Variants in HTR7 observed in about 807,000 individuals in gnomAD.
HTR7 encodes 5-HT-7.
Under a neutral mutation model 34.0 loss-of-function variants are expected in HTR7, and 16 were observed. That is an observed-to-expected ratio of 0.47 (90% CI 0.32 to 0.71). The LOEUF is 0.71. Among genes scored for constraint, HTR7 ranks in the 30% least tolerant of loss-of-function variants. The pLI is 0.04. For synonymous variants in HTR7, 265 were observed against 260.2 expected (o/e 1.02, Z -0.18); for missense variants, 504 against 625.5 (o/e 0.81, Z 2.07).
chr10:90,756,293 G>C (rs147955784), intron 1 of HTR7, among the ~76,000 whole-genome samples: 94 of 152,314 alleles, frequency 6.2e-4, no homozygotes, highest in South Asian at 1.2e-3. Context: ...TGCTCACCTT[G>C]TAGAAAGTAA....
At chr10:90,826,443 A>C (rs1370074542) in intron 1 of HTR7, among the ~76,000 whole-genome samples, 2 of 152,200 alleles carry the variant, frequency 1.3e-5, no homozygotes, top group Non-Finnish European at 2.9e-5. Context: ...AAACAGAAAA[A>C]CACAAAATAT....
At chr10:90,851,298 G>A (rs963393077) in intron 1 of HTR7, among the ~76,000 whole-genome samples, 1 of 152,120 alleles carries the variant, frequency 6.6e-6, no homozygotes, top group Non-Finnish European at 1.5e-5. Context: ...CATACTCAGT[G>A]AAAATATCAT....
chr10:90,771,381 C>T (rs1487710818), intron 1 of HTR7, among the ~76,000 whole-genome samples: 1 of 152,228 alleles, frequency 6.6e-6, no homozygotes, highest in Admixed American at 6.5e-5. Flanking sequence ...ATAACACAAA[C>T]AGGGCTGAAA....
chr10:90,754,653 A>C (rs1232349209), intron 1 of HTR7, among the ~76,000 whole-genome samples: 1 of 152,214 alleles, frequency 6.6e-6, no homozygotes, highest in Non-Finnish European at 1.5e-5. Flanking sequence ...TCAGAGAAAA[A>C]GAGGATTAGG....
chr10:90,780,144 G>A (rs1342068467), intron 1 of HTR7, among the ~76,000 whole-genome samples: 3 of 152,198 alleles, frequency 2.0e-5, no homozygotes, highest in Non-Finnish European at 2.9e-5. Context: ...ACATTGAGAG[G>A]CTGAGGCCAA....
intron 1 of HTR7, among the ~76,000 whole-genome samples, chr10:90,823,455 C>T (rs1335218434): frequency 6.6e-6 from 1 of 152,188 alleles, no homozygotes; most frequent in Non-Finnish European, 1.5e-5. Context: ...GGAGCATTTA[C>T]CCATTGTCTG....
chr10:90,793,318 T>C (rs1408453211), intron 1 of HTR7, among the ~76,000 whole-genome samples: 1 of 151,374 alleles, frequency 6.6e-6, no homozygotes, highest in Non-Finnish European at 1.5e-5. Flanking sequence ...GGTAGAGAGG[T>C]GAAAATCACA....
At chr10:90,748,416 T>C (rs1385245574) in intron 2 of HTR7, among the ~76,000 whole-genome samples, 4 of 152,182 alleles carry the variant, frequency 2.6e-5, no homozygotes, top group Admixed American at 2.6e-4. Context: ...AAAAAGATCA[T>C]TGTGCCTCCT....
At chr10:90,753,759 G>A (rs962818910) in intron 1 of HTR7, among the ~76,000 whole-genome samples, 5 of 151,900 alleles carry the variant, frequency 3.3e-5, no homozygotes, top group Admixed American at 2.0e-4. Context: ...TATATAATAT[G>A]TATAATGCAG....
At chr10:90,847,519 C>T (rs1487600243) in intron 1 of HTR7, among the ~76,000 whole-genome samples, 1 of 152,100 alleles carries the variant, frequency 6.6e-6, no homozygotes, top group Admixed American at 6.5e-5. Flanking sequence ...AGGATAACTT[C>T]CTTTGAAGTG....
At chr10:90,854,766 C>G (rs2120137079) in intron 1 of HTR7, among the ~76,000 whole-genome samples, 1 of 152,250 alleles carries the variant, frequency 6.6e-6, no homozygotes, top group East Asian at 1.9e-4. Flanking sequence ...AAATGCCCAA[C>G]AGATATCCAA....
chr10:90,812,622 A>T (rs2119972469), intron 1 of HTR7, among the ~76,000 whole-genome samples: 1 of 152,110 alleles, frequency 6.6e-6, no homozygotes, highest in African/African-American at 2.4e-5. Context: ...ATCACCCCTT[A>T]CCACAAAATC....
At chr10:90,820,052 A>G (rs1272083625) in intron 1 of HTR7, among the ~76,000 whole-genome samples, 1 of 152,196 alleles carries the variant, frequency 6.6e-6, no homozygotes, top group Non-Finnish European at 1.5e-5. Context: ...ATCTATTTAA[A>G]AAAAGAAAGA....
intron 1 of HTR7, among the ~76,000 whole-genome samples, chr10:90,805,122 A>G (rs1478824222): frequency 6.6e-6 from 1 of 152,174 alleles, no homozygotes; most frequent in Admixed American, 6.5e-5. Flanking sequence ...TGGTGTGTGC[A>G]CTGGCTGGTG....
Position 90,857,248 on chromosome 10 carries a change from CG to C in HTR7, c.423del (p.Asp142ThrfsTer30). ...AAGATCCACTTGCCCCCGATGAGGT[CG>C]GTGACGCTGACGAAGGGCATGACCG... ...AVAVMPFVSV[T>X]DLIGGKWIFG... On this transcript the variant is annotated frameshift_variant, in exon 1 of 4. Transcript: ENST00000336152. LOFTEE classifies it high-confidence loss of function. The surrounding 1 kb of genome is among the most constrained non-coding windows in gnomAD (Gnocchi z 6.5). 6.2e-7 allele frequency: 1 copy of C among 1,614,106 alleles called. No individual in the cohort carries two copies. Among genetic ancestry groups the C allele is most frequent in the Non-Finnish European group, 8.5e-7 (1 of 1,180,018 alleles).
intron 1 of HTR7, among the ~76,000 whole-genome samples, chr10:90,833,808 A>G (rs1846213875): frequency 6.6e-6 from 1 of 152,254 alleles, no homozygotes; most frequent in Non-Finnish European, 1.5e-5. Flanking sequence ...TTTTGAAAAT[A>G]TGAAACTTAC....
At chr10:90,835,183 G>A (rs1480596076) in intron 1 of HTR7, among the ~76,000 whole-genome samples, 2 of 152,180 alleles carry the variant, frequency 1.3e-5, no homozygotes, top group African/African-American at 4.8e-5. Flanking sequence ...ACTATTTCCA[G>A]TGTCTAGTCT....
intron 1 of HTR7, among the ~76,000 whole-genome samples, chr10:90,789,986 C>T (rs1049973117): frequency 6.6e-6 from 1 of 152,006 alleles, no homozygotes; most frequent in Non-Finnish European, 1.5e-5. Context: ...TTCATTTTTT[C>T]AAGAAAATAT....
intron 1 of HTR7, among the ~76,000 whole-genome samples, chr10:90,815,932 G>A (rs2119988325): frequency 6.6e-6 from 1 of 152,274 alleles, no homozygotes; most frequent in Non-Finnish European, 1.5e-5. Flanking sequence ...ATTTCCACTT[G>A]AGGAGCATTT....
Sources: allele counts gnomAD v4.1 joint callset (sites outside exome capture counted in the v4.1 genomes callset), GRCh38; gene constraint gnomAD v4.1.1; non-coding constraint Gnocchi (gnomAD v3.1); transcripts MANE v1.5; gene names NCBI Gene and HGNC (gene_info 2026-07-23, HGNC 2026-07-21).